The following GALNT17 variants were observed in gnomAD, a reference collection of about 807,000 sequenced individuals.
GALNT17 encodes the protein polypeptide N-acetylgalactosaminyltransferase 17.
GALNT17 carries 29 observed loss-of-function variants against 63.7 expected under a neutral mutation model. That is an observed-to-expected ratio of 0.46 (90% CI 0.34 to 0.62). GALNT17 has a LOEUF of 0.62. Among genes scored for constraint, GALNT17 ranks in the 20% least tolerant of loss-of-function variants. GALNT17 has a pLI of 0.01. For synonymous variants in GALNT17, 305 were observed against 318.3 expected (o/e 0.96, Z 0.45); for missense variants, 603 against 799.6 (o/e 0.75, Z 2.97).
At chr7:71,392,130 A>G (rs577143906) in intron 3 of GALNT17, among the ~76,000 whole-genome samples, 17 of 152,298 alleles carry the variant, frequency 1.1e-4, no homozygotes, top group Middle Eastern at 3.4e-3. Flanking sequence ...TATTCAAACC[A>G]TATAGTAGGT....
chr7:71,647,609 G>A (rs901465833), intron 6 of GALNT17, among the ~76,000 whole-genome samples: 1 of 152,182 alleles, frequency 6.6e-6, no homozygotes, highest in South Asian at 2.1e-4. Context: ...TTTTCTGCAA[G>A]CCTCTTACCT....
At chr7:71,515,190 C>T (rs1475336356) in intron 5 of GALNT17, among the ~76,000 whole-genome samples, 1 of 152,162 alleles carries the variant, frequency 6.6e-6, no homozygotes, top group African/African-American at 2.4e-5. Flanking sequence ...TAATACACCA[C>T]TCCATGATTG....
At chr7:71,147,910 A>G (rs940195093) in intron 1 of GALNT17, among the ~76,000 whole-genome samples, 1 of 152,196 alleles carries the variant, frequency 6.6e-6, no homozygotes, top group Non-Finnish European at 1.5e-5. Flanking sequence ...GATTACATGC[A>G]TGAGCCACTG....
At chr7:71,430,711 G>C (rs977358016) in intron 5 of GALNT17, among the ~76,000 whole-genome samples, 1 of 152,136 alleles carries the variant, frequency 6.6e-6, no homozygotes, top group Admixed American at 6.6e-5. Context: ...AGTTGAAAGG[G>C]ATGCCTTGGA....
intron 2 of GALNT17, among the ~76,000 whole-genome samples, chr7:71,387,579 G>T (rs1211293841): frequency 6.6e-6 from 1 of 152,106 alleles, no homozygotes; most frequent in Non-Finnish European, 1.5e-5. Flanking sequence ...TCCCACGTCG[G>T]CCTCCCAAAT....
At chr7:71,472,892 T>C (rs1787658387) in intron 5 of GALNT17, among the ~76,000 whole-genome samples, 1 of 152,160 alleles carries the variant, frequency 6.6e-6, no homozygotes, top group Admixed American at 6.5e-5. Flanking sequence ...AAGAGGTTTC[T>C]TCTGAGCCAA....
At chr7:71,643,497 C>T (rs951475284) in intron 6 of GALNT17, among the ~76,000 whole-genome samples, 3 of 151,996 alleles carry the variant, frequency 2.0e-5, no homozygotes, top group Non-Finnish European at 2.9e-5. Context: ...AGCCACACAC[C>T]CCAGCATTTT....
chr7:71,676,582 C>T (rs747296919), intron 8 of GALNT17, among the ~76,000 whole-genome samples: 7 of 151,850 alleles, frequency 4.6e-5, no homozygotes, highest in Admixed American at 1.3e-4. Flanking sequence ...GATGGGGCCT[C>T]GCTATGTTGC....
intron 5 of GALNT17, among the ~76,000 whole-genome samples, chr7:71,519,640 T>A (rs748232348): frequency 6.6e-6 from 1 of 152,092 alleles, no homozygotes; most frequent in African/African-American, 2.4e-5. Context: ...ATTTTTGCAT[T>A]TTTAGTAGAG....
At chr7:71,707,068 A>G (rs569301554) in intron 9 of GALNT17, among the ~76,000 whole-genome samples, 1 of 152,326 alleles carries the variant, frequency 6.6e-6, no homozygotes, top group African/African-American at 2.4e-5. Flanking sequence ...CTCATCTATA[A>G]AATGTAAAGA....
intron 6 of GALNT17, among the ~76,000 whole-genome samples, chr7:71,626,061 T>A (rs188122690): frequency 6.6e-6 from 1 of 152,060 alleles, no homozygotes; most frequent in Non-Finnish European, 1.5e-5. Flanking sequence ...CTGACCAACA[T>A]GGTGAAACCC....
intron 1 of GALNT17, among the ~76,000 whole-genome samples, chr7:71,244,459 A>G (rs1174624395): frequency 6.6e-6 from 1 of 152,128 alleles, no homozygotes. Flanking sequence ...CACAGATCTG[A>G]GTTTGAACCT....
At chr7:71,406,497 A>G (rs1793330699) in intron 3 of GALNT17, among the ~76,000 whole-genome samples, 1 of 152,088 alleles carries the variant, frequency 6.6e-6, no homozygotes, top group African/African-American at 2.4e-5. Context: ...CATTTCTGGG[A>G]TTTGCTATCT....
chr7:71,248,016 AG>A (rs1443480824), intron 1 of GALNT17, among the ~76,000 whole-genome samples: 1 of 152,204 alleles, frequency 6.6e-6, no homozygotes, highest in Non-Finnish European at 1.5e-5. Flanking sequence ...TTGGTGTATT[AG>A]TCTGTTCTCA....
intron 5 of GALNT17, among the ~76,000 whole-genome samples, chr7:71,432,416 C>T (rs1250524986): frequency 6.6e-6 from 1 of 152,182 alleles, no homozygotes; most frequent in Non-Finnish European, 1.5e-5. Context: ...AGCTACTCAA[C>T]CTCCAGCCCT....
intron 5 of GALNT17, among the ~76,000 whole-genome samples, chr7:71,493,338 G>A (rs6969742): frequency 0.014 from 2,167 of 152,276 alleles, 49 homozygotes; most frequent in African/African-American, 0.049. Flanking sequence ...GAAGAATCAC[G>A]CTCCCTGGTA....
intron 3 of GALNT17, among the ~76,000 whole-genome samples, chr7:71,411,054 T>C (rs1563072828): frequency 6.6e-6 from 1 of 152,224 alleles, no homozygotes; most frequent in Non-Finnish European, 1.5e-5. Flanking sequence ...TTTCTTAGTG[T>C]TCTTATAATG....
At chr7:71,140,123 T>C (rs1787858833) in intron 1 of GALNT17, among the ~76,000 whole-genome samples, 1 of 152,196 alleles carries the variant, frequency 6.6e-6, no homozygotes, top group African/African-American at 2.4e-5. Context: ...AGCCCACAGA[T>C]GCTGGACGGT....
chr7:71,659,414 A>G (rs761103022), intron 6 of GALNT17, among the ~76,000 whole-genome samples: 11 of 151,956 alleles, frequency 7.2e-5, no homozygotes, highest in Admixed American at 1.3e-4. Context: ...CTGGCATTCC[A>G]CTGATGGGTT....
Sources: allele counts gnomAD v4.1 joint callset (sites outside exome capture counted in the v4.1 genomes callset), GRCh38; gene constraint gnomAD v4.1.1; transcripts MANE v1.5; gene names NCBI Gene and HGNC (gene_info 2026-07-23, HGNC 2026-07-21).